Variants in WFDC10B observed in about 807,000 individuals in gnomAD.
The protein encoded by WFDC10B is WAP four-disulfide core domain 10B.
A neutral mutation model predicts 2.7 loss-of-function variants in WFDC10B; 1 was observed. The observed-to-expected ratio is 0.38, with a 90% CI of 0.13 to 1.79. The LOEUF (loss-of-function observed/expected upper bound fraction) is 1.79, where lower values mean the gene tolerates loss of function less well. WFDC10B is among the 40% of genes most tolerant of loss of function. The pLI, the probability that WFDC10B is intolerant of heterozygous loss-of-function variation, is 0.33. For missense variants in WFDC10B, 71 were observed against 87.8 expected (o/e 0.81, Z 0.76); for synonymous variants, 26 against 32.2 (o/e 0.81, Z 0.65).
chr20:45,702,294 C>T lies in WFDC10B; in HGVS notation c.-65+2203G>A, dbSNP rs570304992. 3.0e-4 allele frequency: 410 copies of T among 1,373,176 alleles called. 4 individuals carry two copies. The South Asian group carries it at 4.9e-3, about 17-fold the overall frequency. 85.1% of individuals were successfully genotyped at this position (1,373,176 alleles called of 1,614,324 possible). A position where few individuals can be genotyped will look rare whatever the true frequency, so the allele number is the denominator to read the frequency against. On this transcript the variant is annotated intron_variant, in intron 2 of 3. Transcript: ENST00000330523. ...TGAGGGCTGACAGTCTGTCACACCT[C>T]TTGGAAAAATACCGTGTCATGTTCA... is the stretch of plus-strand genomic sequence containing the variant.
At chr20:45,704,331 A>G in intron 2 of WFDC10B, 166 bp downstream of exon 2, 1 of 1,427,518 alleles carries the variant, frequency 7.0e-7, no homozygotes, top group Non-Finnish European at 9.4e-7. Context: ...CCCTGGAACC[A>G]TGCAAGGCAG....
intron 2 of WFDC10B, among the ~76,000 whole-genome samples, chr20:45,689,526 G>A (rs1600954855): frequency 6.6e-6 from 1 of 152,064 alleles, no homozygotes; most frequent in Admixed American, 6.6e-5. Flanking sequence ...TTGAGCAGTG[G>A]TTTGTAGTTC....
chr20:45,686,118 C>T, intron 2 of WFDC10B, 62 bp from the exon 3 acceptor site: 1 of 1,482,576 alleles, frequency 6.7e-7, no homozygotes, highest in Non-Finnish European at 9.0e-7. Context: ...CTCCACTGGA[C>T]AAGTCAGGGC....
chr20:45,703,682 G>T (rs968016555), intron 2 of WFDC10B, among the ~76,000 whole-genome samples: 1 of 152,148 alleles, frequency 6.6e-6, no homozygotes, highest in African/African-American at 2.4e-5. Flanking sequence ...TCCCAGGGCA[G>T]GTAGGTCTTA....
chr20:45,703,685 A>G (rs923986823), intron 2 of WFDC10B, among the ~76,000 whole-genome samples: 3 of 152,154 alleles, frequency 2.0e-5, no homozygotes, highest in African/African-American at 7.2e-5. Context: ...CAGGGCAGGT[A>G]GGTCTTAGCT....
At chr20:45,689,774 A>G (rs555656412) in intron 2 of WFDC10B, among the ~76,000 whole-genome samples, 2 of 152,342 alleles carry the variant, frequency 1.3e-5, no homozygotes, top group Non-Finnish European at 2.9e-5. Context: ...ATATGCAATC[A>G]TGTCATCTGC....
intron 2 of WFDC10B, among the ~76,000 whole-genome samples, chr20:45,703,594 G>C (rs896919238): frequency 6.6e-6 from 1 of 152,154 alleles, no homozygotes; most frequent in African/African-American, 2.4e-5. Flanking sequence ...AAGGGCTTGG[G>C]GAAAGGGATT....
intron 2 of WFDC10B, among the ~76,000 whole-genome samples, chr20:45,697,238 T>A (rs1239216968): frequency 2.0e-5 from 3 of 152,132 alleles, no homozygotes; most frequent in Admixed American, 2.0e-4. Context: ...AGGAAACAAT[T>A]TGATTTACAA....
At chr20:45,704,362 G>A in intron 2 of WFDC10B, 135 bp downstream of exon 2, 1 of 1,523,512 alleles carries the variant, frequency 6.6e-7, no homozygotes, top group South Asian at 1.3e-5. Context: ...CAGGTTTCCT[G>A]GCAGTTCCCT....
chr20:45,704,684 C>A, intron 1 of WFDC10B, 123 bp from the exon 2 acceptor site: 1 of 1,471,478 alleles, frequency 6.8e-7, no homozygotes, highest in South Asian at 1.4e-5. Flanking sequence ...TGCTGGATCT[C>A]TCCTTTTTTT....
intron 2 of WFDC10B, among the ~76,000 whole-genome samples, chr20:45,697,868 C>G (rs1016616920): frequency 4.0e-5 from 6 of 151,684 alleles, no homozygotes; most frequent in African/African-American, 1.5e-4. Flanking sequence ...TTCAGCCTCC[C>G]GAGTAGCTGG....
intron 2 of WFDC10B, 59 bp downstream of exon 2, chr20:45,704,438 T>C: frequency 6.2e-7 from 1 of 1,612,356 alleles, no homozygotes; most frequent in African/African-American, 1.3e-5. Context: ...TTGTTCTGTG[T>C]TCCAGAGTAT....
At chr20:45,685,814 C>T (rs45442591) in intron 3 of WFDC10B, 88 bp downstream of exon 3, 25,233 of 1,546,904 alleles carry the variant, frequency 0.016, 270 homozygotes, top group Non-Finnish European at 0.02. Flanking sequence ...AGAAAGGTTG[C>T]AAGTCCTAGG....
chr20:45,693,238 C>CT (rs1166608311), intron 2 of WFDC10B, among the ~76,000 whole-genome samples: 36 of 152,314 alleles, frequency 2.4e-4, no homozygotes, highest in Admixed American at 2.6e-4. Context: ...TCTGCCCCTA[C>CT]TGGGGGGTGC....
chr20:45,697,379 A>ATTTTTTTTTTTTTTTTTTTTTTTTTTTTT (rs869059383), intron 2 of WFDC10B, among the ~76,000 whole-genome samples: 1 of 114,010 alleles, frequency 8.8e-6, no homozygotes. Context: ...ACATCCCATC[A>ATTTTTTTTTTTTTTTTTTTTTTTTTTTTT]TTTTTTTTTT....
chr20:45,694,132 T>C (rs1983910101), intron 2 of WFDC10B, among the ~76,000 whole-genome samples: 1 of 152,250 alleles, frequency 6.6e-6, no homozygotes, highest in African/African-American at 2.4e-5. Context: ...GCTCTTTAGT[T>C]TAATTAGATG....
intron 2 of WFDC10B, among the ~76,000 whole-genome samples, chr20:45,686,661 T>C (rs999463251): frequency 6.6e-6 from 1 of 151,766 alleles, no homozygotes; most frequent in Non-Finnish European, 1.5e-5. Context: ...GTGTTCATTA[T>C]AAATTCTTCT....
Position 45,699,882 on chromosome 20 carries a change from T to C in WFDC10B, c.-65+4615A>G, listed in dbSNP as rs902032825. Among the ~76,000 whole-genome samples, 4 of 152,246 alleles carry C rather than the reference T, an allele frequency of 2.6e-5. No individual in the cohort carries two copies. The East Asian group carries it at 7.7e-4, about 29-fold the overall frequency. On this transcript the variant is annotated intron_variant, in intron 2 of 3. Coordinates refer to ENST00000330523, the MANE Select transcript of WFDC10B (RefSeq NM_172006.2). ...TTAGTAGAGATGGGGTTTCACCATG[T>C]TGACCAGGCTGGTCTCGAACTCCTG... is the stretch of plus-strand genomic sequence containing the variant.
intron 2 of WFDC10B, among the ~76,000 whole-genome samples, chr20:45,686,380 C>T (rs1317839546): frequency 1.3e-5 from 2 of 152,030 alleles, no homozygotes; most frequent in East Asian, 3.8e-4. Context: ...TATTTTATTA[C>T]ATTATCTTTT....
Sources: allele counts gnomAD v4.1 joint callset (sites outside exome capture counted in the v4.1 genomes callset), GRCh38; gene constraint gnomAD v4.1.1; transcripts MANE v1.5; gene names NCBI Gene and HGNC (gene_info 2026-07-23, HGNC 2026-07-21).